DYNLRB1: variants seen among roughly 807,000 people sequenced by gnomAD.
DYNLRB1 encodes the protein dynein light chain roadblock-type 1.
In DYNLRB1, 6 loss-of-function variants were observed where a neutral mutation model predicts 13.5. The observed-to-expected ratio is 0.44, with a 90% CI of 0.24 to 0.88. The LOEUF (loss-of-function observed/expected upper bound fraction) is 0.88, where lower values mean the gene tolerates loss of function less well. DYNLRB1 is among the 40% of genes least tolerant of loss of function. The pLI is 0.21. For synonymous variants in DYNLRB1, 43 were observed against 45.0 expected (o/e 0.96, Z 0.18); for missense variants, 93 against 127.2 (o/e 0.73, Z 1.29).
Position 34,526,311 on chromosome 20 carries a change from G to A in DYNLRB1, c.47G>A (p.Gly16Glu). Residue 16 changes from glycine to glutamate, a missense_variant, in exon 2 of 4, where the codon GGA (glycine) becomes GAA (glutamate). Coordinates refer to ENST00000357156, the MANE Select transcript of DYNLRB1 (RefSeq NM_014183.4). ...ETLKRLQSQK[G>E]VQGIIVVNTE... ...CTGAAGCGACTGCAGAGCCAGAAGGGAGTGCAGGGAATCATCGTCGTGAAC... is the reference window on the plus strand; with the variant it reads ...CTGAAGCGACTGCAGAGCCAGAAGGAAGTGCAGGGAATCATCGTCGTGAAC... The A allele has an allele frequency of 6.2e-7, 1 of 1,614,118 alleles. No individual in the cohort carries two copies.
rs1413815180 is a variant in DYNLRB1, at chr20:34,540,788, C to G, written c.*164C>G. 2.0e-5 allele frequency: 13 copies of G among 660,186 alleles called. 1 individual carries two copies. Among genetic ancestry groups the G allele is most frequent in the East Asian group, 9.0e-5 (3 of 33,362 alleles). 40.9% of individuals were successfully genotyped at this position (660,186 alleles called of 1,614,324 possible). ...GGCTCTTCTCCCCCACCAACGGAAC[C>G]CCTGTGTGCACCAACCTTCCCCAGA... On this transcript the variant is annotated 3_prime_UTR_variant, in exon 4 of 4. Coordinates refer to ENST00000357156, the MANE Select transcript of DYNLRB1 (RefSeq NM_014183.4).
At chr20:34,536,561 A>G (rs1343587835) in intron 3 of DYNLRB1, 1 of 771,090 alleles carries the variant, frequency 1.3e-6, no homozygotes, top group African/African-American at 1.9e-5. Context: ...CCTGACCAAC[A>G]TGGTGAAACC....
chr20:34,518,167 C>T (rs974364641), intron 1 of DYNLRB1, among the ~76,000 whole-genome samples: 4 of 151,398 alleles, frequency 2.6e-5, no homozygotes, highest in Admixed American at 2.0e-4. Context: ...TGTCGAAAAT[C>T]AGTTGGCCGT....
At chr20:34,532,417 C>T (rs968074503) in intron 2 of DYNLRB1, among the ~76,000 whole-genome samples, 28 of 152,212 alleles carry the variant, frequency 1.8e-4, no homozygotes, top group African/African-American at 6.5e-4. Flanking sequence ...TAATCTGGTC[C>T]ATAGCTGCCC....
At chr20:34,531,946 A>T (rs1196601665) in intron 2 of DYNLRB1, among the ~76,000 whole-genome samples, 1 of 152,180 alleles carries the variant, frequency 6.6e-6, no homozygotes, top group South Asian at 2.1e-4. Flanking sequence ...GTAAAAAGAG[A>T]AGGTTAGGGG....
At chr20:34,535,093 G>A (rs528603202) in intron 3 of DYNLRB1, 4 of 985,422 alleles carry the variant, frequency 4.1e-6, no homozygotes, top group Admixed American at 6.1e-5. Context: ...GGGACATAGA[G>A]GAGGGTGTGG....
chr20:34,528,650 A>C (rs1245023140), intron 2 of DYNLRB1, among the ~76,000 whole-genome samples: 1 of 152,168 alleles, frequency 6.6e-6, no homozygotes, highest in Non-Finnish European at 1.5e-5. Context: ...AGCATGTTAG[A>C]TGCCATAATC....
chr20:34,519,434 AT>A (rs1170295795), intron 1 of DYNLRB1, among the ~76,000 whole-genome samples: 1 of 152,164 alleles, frequency 6.6e-6, no homozygotes. Flanking sequence ...AAGTGGAGAG[AT>A]CGCCTGAGCC....
At position 34,540,659 on chromosome 20, in the gene DYNLRB1, T is replaced by A; in HGVS notation, c.*35T>A. 1.2e-6 allele frequency: 2 copies of A among 1,604,060 alleles called. No homozygotes were observed. Among genetic ancestry groups the A allele is most frequent in the East Asian group, 4.5e-5 (2 of 44,824 alleles). The stretch of plus-strand genomic sequence containing the variant: ...TTGGCTCCCTGTGTCATTCCTTAAT[T>A]TAATGCCCCCCAAGAATGTTAATGT... On this transcript the variant is annotated 3_prime_UTR_variant, in exon 4 of 4. Transcript: ENST00000357156.
chr20:34,539,785 C>T (rs1337141906), intron 3 of DYNLRB1, among the ~76,000 whole-genome samples: 2 of 152,088 alleles, frequency 1.3e-5, no homozygotes, highest in Non-Finnish European at 2.9e-5. Context: ...ACGTGAGCCA[C>T]CACGCCTGAC....
chr20:34,516,302 TC>T (rs759832473), upstream of DYNLRB1: 146 of 1,238,908 alleles, frequency 1.2e-4, no homozygotes, highest in Non-Finnish European at 1.5e-4. Context: ...TTTCCAAGAA[TC>T]CTGGCGGAGC....
chr20:34,522,579 C>T (rs1462647204), intron 1 of DYNLRB1, among the ~76,000 whole-genome samples: 2 of 143,520 alleles, frequency 1.4e-5, no homozygotes, highest in African/African-American at 5.2e-5. Flanking sequence ...CTCAGGCAAT[C>T]CTTTCACCTC....
rs758362798 is a variant in DYNLRB1 at position 34,516,455 on chromosome 20, G to A, written c.-4G>A. 2.5e-6 allele frequency: 4 copies of A among 1,613,416 alleles called. No individual in the cohort carries two copies. The highest frequency in any genetic ancestry group is 2.5e-6 in the Non-Finnish European group (3 of 1,179,584). On this transcript the variant is annotated 5_prime_UTR_variant, in exon 1 of 4. Coordinates refer to ENST00000357156, the MANE Select transcript of DYNLRB1 (RefSeq NM_014183.4). The stretch of plus-strand genomic sequence containing the variant: ...GCTACGCGGGGCTACCGGATCGGTC[G>A]GAAATGGTGAGCGTGCGCCGGGGTC...
At chr20:34,539,837 G>A (rs1981442732) in intron 3 of DYNLRB1, among the ~76,000 whole-genome samples, 1 of 152,036 alleles carries the variant, frequency 6.6e-6, no homozygotes, top group Non-Finnish European at 1.5e-5. Flanking sequence ...AGGTTTGGTG[G>A]GGTGTGCCTG....
chr20:34,531,881 G>A (rs1285139543), intron 2 of DYNLRB1, among the ~76,000 whole-genome samples: 1 of 152,206 alleles, frequency 6.6e-6, no homozygotes, highest in African/African-American at 2.4e-5. Flanking sequence ...AGTGAATAGG[G>A]GAAGGAAAGA....
intron 3 of DYNLRB1, among the ~76,000 whole-genome samples, chr20:34,538,250 G>GT (rs1257129298): frequency 3.3e-5 from 5 of 149,276 alleles, no homozygotes. Flanking sequence ...TTATATGCGT[G>GT]AGCCACCATG....
At chr20:34,539,464 G>A (rs1250944351) in intron 3 of DYNLRB1, among the ~76,000 whole-genome samples, 3 of 152,122 alleles carry the variant, frequency 2.0e-5, no homozygotes, top group South Asian at 2.1e-4. Context: ...AGGATCACTC[G>A]AGCCCAGGAG....
At chr20:34,539,693 GATGGGGTTTCACC>G (rs1568605596) in intron 3 of DYNLRB1, among the ~76,000 whole-genome samples, 1 of 152,156 alleles carries the variant, frequency 6.6e-6, no homozygotes, top group Non-Finnish European at 1.5e-5. Context: ...TTTTAGTAGA[GATGGGGTTTCACC>G]ATGTTGGCCA....
intron 1 of DYNLRB1, chr20:34,516,979 C>T: frequency 7.8e-7 from 1 of 1,287,944 alleles, no homozygotes; most frequent in Non-Finnish European, 9.8e-7. Flanking sequence ...GGATTTGAAC[C>T]CTAGAAGCTT....
Sources: allele counts gnomAD v4.1 joint callset (sites outside exome capture counted in the v4.1 genomes callset), GRCh38; gene constraint gnomAD v4.1.1; transcripts MANE v1.5; gene names NCBI Gene and HGNC (gene_info 2026-07-23, HGNC 2026-07-21).